Variants in CFAP47 observed in about 807,000 individuals in gnomAD.
CFAP47 encodes cilia- and flagella-associated protein 47.
In CFAP47, 29 loss-of-function variants were observed where a neutral mutation model predicts 148.1. The ratio of observed to expected loss-of-function variants is 0.20; its 90% CI spans 0.15 to 0.27. The LOEUF is 0.27. CFAP47 is among the 10% of genes least tolerant of loss of function. The pLI, the probability that CFAP47 is intolerant of heterozygous loss-of-function variation, is 1.00. For missense variants in CFAP47, 1,872 were observed against 1,697.5 expected (o/e 1.10, Z -1.81); for synonymous variants, 664 against 577.3 (o/e 1.15, Z -2.15).
At chrX:36,132,935 T>C (rs183337559) in intron 33 of CFAP47, among the ~76,000 whole-genome samples, 239 of 111,738 alleles carry the variant, frequency 2.1e-3, no homozygotes, top group Middle Eastern at 0.014. Context: ...ACAATGAAAG[T>C]CAGACAAGCA....
At chrX:35,935,765 T>G (rs769006467) in intron 2 of CFAP47, among the ~76,000 whole-genome samples, 15 of 110,801 alleles carry the variant, frequency 1.4e-4, no homozygotes, top group African/African-American at 4.9e-4. Context: ...AACGTAGTTT[T>G]AACAGAAATC....
At chrX:35,997,126 CACTT>C (rs1569228131) in intron 18 of CFAP47, among the ~76,000 whole-genome samples, 182 bp from the exon 19 acceptor site, 1 of 111,569 alleles carries the variant, frequency 9.0e-6, no homozygotes, top group Non-Finnish European at 1.9e-5. Flanking sequence ...GTCAAACACT[CACTT>C]AGGAGTATCA....
intron 49 of CFAP47, among the ~76,000 whole-genome samples, chrX:36,256,496 T>C (rs192513452): frequency 1.8e-5 from 2 of 111,929 alleles, no homozygotes; most frequent in East Asian, 5.7e-4. Context: ...AATAATTTGC[T>C]CCAGTTGTTC....
chrX:35,967,133 T>C (rs1936419158), intron 9 of CFAP47, among the ~76,000 whole-genome samples: 1 of 111,406 alleles, frequency 9.0e-6, no homozygotes, highest in Non-Finnish European at 1.9e-5. Context: ...AGGATTGCGC[T>C]TTGAGTAGCA....
chrX:36,110,705 G>A (rs1396012804), intron 33 of CFAP47, among the ~76,000 whole-genome samples: 3 of 111,829 alleles, frequency 2.7e-5, no homozygotes, highest in African/African-American at 6.5e-5. Flanking sequence ...GGGTCATATG[G>A]TCATTTTCAC....
rs16998527 is a variant in CFAP47 at position 36,072,001 on chromosome X, A to G, written c.4465+30A>G. On this transcript the variant is annotated intron_variant, in intron 28 of 63. Coordinates refer to ENST00000378653, the MANE Select transcript of CFAP47 (RefSeq NM_001304548.2). ...GTAGCAAATATATAGTGTACTTTCC[A>G]AAATTAGTCCATGACATGATCTCCT... 0.013 allele frequency: 14,826 copies of G among 1,109,689 alleles called. 1,204 individuals carry two copies. In the African/African-American group the frequency reaches 0.23, roughly 17 times the overall value. 91.5% of individuals were successfully genotyped at this position (1,109,689 alleles called of 1,213,427 possible). A position where few individuals can be genotyped will look rare whatever the true frequency, so the allele number is the denominator to read the frequency against.
At chrX:36,181,668 G>A (rs1488894502) in intron 40 of CFAP47, among the ~76,000 whole-genome samples, 1 of 112,080 alleles carries the variant, frequency 8.9e-6, no homozygotes, top group African/African-American at 3.2e-5. Flanking sequence ...TGAGTGTTGG[G>A]TCAGAGAGAA....
chrX:36,248,360 AAT>A (rs1485333061), intron 48 of CFAP47, among the ~76,000 whole-genome samples: 10 of 105,203 alleles, frequency 9.5e-5, no homozygotes, highest in East Asian at 2.9e-4. Context: ...CTTTCTTTAT[AAT>A]ATGTGTGTAT....
chrX:36,071,696 T>C, intron 27 of CFAP47, 129 bp from the exon 28 acceptor site: 1 of 507,683 alleles, frequency 2.0e-6, no homozygotes, highest in East Asian at 4.2e-5. Context: ...TTTTACTTTG[T>C]CATAGATAGA....
At chrX:36,176,639 C>A (rs889871774) in intron 39 of CFAP47, among the ~76,000 whole-genome samples, 2 of 112,581 alleles carry the variant, frequency 1.8e-5, no homozygotes, top group Non-Finnish European at 3.7e-5. Context: ...GGCTTGGTGG[C>A]TCATGCCTGT....
At chrX:36,371,786 A>ATG (rs1460274683) in intron 62 of CFAP47, among the ~76,000 whole-genome samples, 3 of 53,416 alleles carry the variant, frequency 5.6e-5, no homozygotes, top group South Asian at 1.1e-3. Flanking sequence ...ATGTGTATAT[A>ATG]TGTGTGTATA....
chrX:35,972,286 G>A (rs1007431851), intron 13 of CFAP47, among the ~76,000 whole-genome samples: 1 of 110,854 alleles, frequency 9.0e-6, no homozygotes, highest in Admixed American at 9.6e-5. Flanking sequence ...CTGGAGTGCA[G>A]TGGCATGATC....
intron 26 of CFAP47, among the ~76,000 whole-genome samples, chrX:36,052,893 A>G (rs912628767): frequency 8.9e-6 from 1 of 111,964 alleles, no homozygotes; most frequent in Admixed American, 9.5e-5. Context: ...TAGTGCTTTA[A>G]AATGTATATT....
intron 37 of CFAP47, among the ~76,000 whole-genome samples, chrX:36,150,424 A>G (rs1009030212): frequency 8.9e-6 from 1 of 112,299 alleles, no homozygotes; most frequent in African/African-American, 3.2e-5. Context: ...TTTGATAACT[A>G]CTAATGAACT....
At chrX:36,096,309 AC>A (rs1460768964) in intron 30 of CFAP47, among the ~76,000 whole-genome samples, 2 of 111,385 alleles carry the variant, frequency 1.8e-5, no homozygotes, top group Admixed American at 1.9e-4. Context: ...GCTGAGGAAA[AC>A]AGTAGGTATT....
chrX:36,328,638 G>A (rs1941537384), intron 57 of CFAP47, among the ~76,000 whole-genome samples: 2 of 106,377 alleles, frequency 1.9e-5, no homozygotes, highest in Admixed American at 1.0e-4. Context: ...GTGAAACCCC[G>A]TCTCTACTAA....
intron 48 of CFAP47, among the ~76,000 whole-genome samples, 192 bp from the exon 49 acceptor site, chrX:36,251,141 A>C (rs782026031): frequency 9.0e-6 from 1 of 110,946 alleles, no homozygotes; most frequent in South Asian, 3.7e-4. Context: ...TTGTTCTTAG[A>C]TTTCTCTTCT....
intron 26 of CFAP47, among the ~76,000 whole-genome samples, chrX:36,052,943 A>T (rs919910053): frequency 9.0e-6 from 1 of 111,280 alleles, no homozygotes; most frequent in African/African-American, 3.3e-5. Context: ...TTTTGAATGG[A>T]TAGGAAACTG....
intron 16 of CFAP47, chrX:35,989,832 T>C: frequency 5.5e-6 from 1 of 182,267 alleles, no homozygotes; most frequent in Non-Finnish European, 1.0e-5. Context: ...CTTAGAAATA[T>C]TAAAGAAGCC....
Sources: gnomAD v4.1 joint callset for allele counts (sites outside exome capture counted in the v4.1 genomes callset) on GRCh38, gnomAD v4.1.1 for gene constraint, MANE v1.5 for transcripts, NCBI Gene and HGNC (gene_info 2026-07-23, HGNC 2026-07-21) for gene names.